Variants in FOXP1 observed in about 807,000 individuals in gnomAD.
The protein encoded by FOXP1 is forkhead box protein P1.
In FOXP1, 15 loss-of-function variants were observed where a neutral mutation model predicts 98.2. The observed-to-expected ratio is 0.15, with a 90% CI of 0.10 to 0.24. The LOEUF (loss-of-function observed/expected upper bound fraction) is 0.24, where lower values mean the gene tolerates loss of function less well. Among genes scored for constraint, FOXP1 ranks in the 10% least tolerant of loss-of-function variants. The pLI, the probability that FOXP1 is intolerant of heterozygous loss-of-function variation, is 1.00. For missense variants in FOXP1, 633 were observed against 848.5 expected (o/e 0.75, Z 3.15); for synonymous variants, 371 against 314.5 (o/e 1.18, Z -1.90).
At chr3:71,065,449 CT>C (rs1433924140) in intron 7 of FOXP1, among the ~76,000 whole-genome samples, 1 of 152,204 alleles carries the variant, frequency 6.6e-6, no homozygotes, top group Non-Finnish European at 1.5e-5. Context: ...CAGAAAAGCG[CT>C]TTTCCTCGAA....
chr3:71,291,678 T>G (rs2072758956), intron 5 of FOXP1, among the ~76,000 whole-genome samples: 1 of 152,090 alleles, frequency 6.6e-6, no homozygotes, highest in South Asian at 2.1e-4. Flanking sequence ...ATATTCTGAT[T>G]TTTTTATTTT....
chr3:70,976,134 C>T (rs988410494), intron 17 of FOXP1, among the ~76,000 whole-genome samples: 3 of 150,120 alleles, frequency 2.0e-5, no homozygotes, highest in Non-Finnish European at 1.5e-5. Flanking sequence ...ACTGCAGCCT[C>T]AACCTCCTTG....
intron 5 of FOXP1, among the ~76,000 whole-genome samples, chr3:71,198,817 G>A (rs188082572): frequency 3.3e-5 from 5 of 151,072 alleles, no homozygotes; most frequent in South Asian, 2.1e-4. Flanking sequence ...CTCAGCCTCC[G>A]AGTAGCTAGG....
intron 3 of FOXP1, among the ~76,000 whole-genome samples, chr3:71,462,399 C>T (rs1431385216): frequency 1.3e-5 from 2 of 152,154 alleles, no homozygotes; most frequent in African/African-American, 4.8e-5. Context: ...ATAGGGTTCA[C>T]TTCAAACAAC....
At chr3:71,135,565 C>A (rs2059784186) in intron 6 of FOXP1, among the ~76,000 whole-genome samples, 1 of 152,106 alleles carries the variant, frequency 6.6e-6, no homozygotes, top group Non-Finnish European at 1.5e-5. Context: ...TTACAGCAGG[C>A]CAGAACTTTG....
intron 3 of FOXP1, among the ~76,000 whole-genome samples, chr3:71,444,339 A>G (rs2086215159): frequency 6.6e-6 from 1 of 151,602 alleles, no homozygotes; most frequent in African/African-American, 2.4e-5. Context: ...ATGTTGCTCC[A>G]AGTCAGAGAG....
intron 4 of FOXP1, among the ~76,000 whole-genome samples, chr3:71,323,252 C>A (rs1482917861): frequency 6.6e-6 from 1 of 151,946 alleles, no homozygotes; most frequent in East Asian, 1.9e-4. Flanking sequence ...CCCAAAATGA[C>A]CAATATATAG....
At position 71,155,142 on chromosome 3, in the gene FOXP1, G is replaced by A. The variant is rs528803497; in HGVS notation, c.181-42505C>T. On this transcript the variant is annotated intron_variant, in intron 6 of 20. Coordinates refer to ENST00000649528, the MANE Select transcript of FOXP1 (RefSeq NM_001349338.3). ...GAGATTGAAACTCAGGTTTGTCTCAGTCCAAGGTTTGTCTCAGATATGCCA... is the reference window on the plus strand; with the variant it reads ...GAGATTGAAACTCAGGTTTGTCTCAATCCAAGGTTTGTCTCAGATATGCCA... 1.4e-4 allele frequency among the ~76,000 whole-genome samples: 21 copies of A among 152,246 alleles called. No homozygotes were observed. The South Asian group carries it at 1.4e-3, about 11-fold the overall frequency.
intron 3 of FOXP1, among the ~76,000 whole-genome samples, chr3:71,401,203 G>T (rs1359105310): frequency 2.0e-5 from 3 of 152,130 alleles, no homozygotes; most frequent in African/African-American, 7.2e-5. Context: ...CCTGCACATT[G>T]CCCCCTGGGT....
chr3:71,242,220 T>A (rs1180196145), intron 5 of FOXP1, among the ~76,000 whole-genome samples: 1 of 152,190 alleles, frequency 6.6e-6, no homozygotes, highest in Non-Finnish European at 1.5e-5. Context: ...TTAAAAGACA[T>A]TCGTGTTCAA....
chr3:71,578,255 T>TC (rs2047882017), intron 2 of FOXP1, among the ~76,000 whole-genome samples: 1 of 152,116 alleles, frequency 6.6e-6, no homozygotes, highest in African/African-American at 2.4e-5. Flanking sequence ...AGGGTTTCCC[T>TC]CCCCACTTAA....
At chr3:71,133,833 T>TGTGA (rs2059687875) in intron 6 of FOXP1, among the ~76,000 whole-genome samples, 1 of 151,804 alleles carries the variant, frequency 6.6e-6, no homozygotes, top group Non-Finnish European at 1.5e-5. Context: ...TGTGTGTGTG[T>TGTGA]GATGTTTTTT....
At chr3:71,199,116 T>TC (rs1340359462) in intron 5 of FOXP1, among the ~76,000 whole-genome samples, 3 of 151,238 alleles carry the variant, frequency 2.0e-5, no homozygotes, top group Non-Finnish European at 4.4e-5. Flanking sequence ...TACACTTTTT[T>TC]TTTTTTTTTG....
At chr3:71,130,370 A>G in intron 6 of FOXP1, 1 of 858,558 alleles carries the variant, frequency 1.2e-6, no homozygotes, top group Non-Finnish European at 1.8e-6. Flanking sequence ...GGGAAGGGGG[A>G]GGAAAAAAAG....
At chr3:71,264,946 C>A (rs1351001782) in intron 5 of FOXP1, among the ~76,000 whole-genome samples, 1 of 152,204 alleles carries the variant, frequency 6.6e-6, no homozygotes, top group African/African-American at 2.4e-5. Context: ...AGAGGTCAGG[C>A]AGCTTGCACA....
chr3:70,961,162 A>G (rs1209034641), intron 20 of FOXP1, among the ~76,000 whole-genome samples: 1 of 151,764 alleles, frequency 6.6e-6, no homozygotes, highest in Admixed American at 6.6e-5. Flanking sequence ...ATTCTTAAAA[A>G]CTTTGCAAAA....
At chr3:71,110,610 G>A (rs1052960786) in intron 7 of FOXP1, among the ~76,000 whole-genome samples, 21 of 152,188 alleles carry the variant, frequency 1.4e-4, no homozygotes. Flanking sequence ...CACAGGAGAT[G>A]CCCCAGTACT....
intron 7 of FOXP1, among the ~76,000 whole-genome samples, chr3:71,058,085 A>G (rs1372974683): frequency 6.6e-6 from 1 of 152,012 alleles, no homozygotes; most frequent in Non-Finnish European, 1.5e-5. Flanking sequence ...AAAAATCTAA[A>G]AAGCAAACAA....
At chr3:71,272,061 CA>C (rs1298242374) in intron 5 of FOXP1, among the ~76,000 whole-genome samples, 2 of 152,100 alleles carry the variant, frequency 1.3e-5, no homozygotes, top group Non-Finnish European at 2.9e-5. Context: ...AATCAGGAAT[CA>C]AAAGAGTCTT....
Sources: gnomAD v4.1 joint callset for allele counts (sites outside exome capture counted in the v4.1 genomes callset) on GRCh38, gnomAD v4.1.1 for gene constraint, MANE v1.5 for transcripts, NCBI Gene and HGNC (gene_info 2026-07-23, HGNC 2026-07-21) for gene names.